CEP170: variants seen among roughly 807,000 people sequenced by gnomAD.
The protein encoded by CEP170 is centrosomal protein 170.
In CEP170, 21 loss-of-function variants were observed where a neutral mutation model predicts 151.9. That is an observed-to-expected ratio of 0.14 (90% confidence interval 0.10 to 0.20). The LOEUF is 0.20. CEP170 is among the 10% of genes least tolerant of loss of function. CEP170 has a pLI of 1.00. For synonymous variants in CEP170, 356 were observed against 648.8 expected (o/e 0.55, Z 6.86); for missense variants, 964 against 1,892.9 (o/e 0.51, Z 9.11).
chr1:243,189,282 C>T lies in CEP170; in HGVS notation c.1108+1736G>A, dbSNP rs538304965. Among the ~76,000 whole-genome samples, 16 of 152,154 alleles carry T rather than the reference C, an allele frequency of 1.1e-4. No homozygotes were observed. In the East Asian group the frequency reaches 1.4e-3, roughly 13 times the overall value. Reference sequence around the variant, plus strand: ...AAAATAATAGTCGATACAGGCCAGGCGCGGTGGCTCACGCCTGTAACCCCA... The same window carrying T: ...AAAATAATAGTCGATACAGGCCAGGTGCGGTGGCTCACGCCTGTAACCCCA... On this transcript the variant is annotated intron_variant, in intron 8 of 19. Coordinates refer to ENST00000366542, the MANE Select transcript of CEP170 (RefSeq NM_014812.3).
chr1:243,127,121 T>G (rs938856707), intron 19 of CEP170, among the ~76,000 whole-genome samples: 8 of 152,198 alleles, frequency 5.3e-5, no homozygotes, highest in Non-Finnish European at 1.0e-4. Flanking sequence ...AGGTATTAGC[T>G]GCTAAGTCAG....
At position 243,200,466 on chromosome 1, in the gene CEP170, A is replaced by C; in HGVS notation, c.496+52T>G. 6 of 1,577,128 alleles carry C rather than the reference A, an allele frequency of 3.8e-6. No individual in the cohort carries two copies. In the South Asian group the frequency reaches 5.7e-5, roughly 15 times the overall value. ...CCAACTTTCTGAGAACAAAGCATGC[A>C]GTGTCTTCAAGATCAAGTATAAAGA... is the stretch of plus-strand genomic sequence containing the variant. On this transcript the variant is annotated intron_variant, in intron 6 of 19. Transcript: ENST00000366542.
At chr1:243,219,609 G>T (rs1010470495) in intron 3 of CEP170, among the ~76,000 whole-genome samples, 9 of 152,158 alleles carry the variant, frequency 5.9e-5, no homozygotes, top group African/African-American at 2.2e-4. Context: ...CTAAAATGCT[G>T]ATGTAATTCC....
chr1:243,152,349 G>C lies in CEP170; in HGVS notation c.3911+3872C>G, dbSNP rs188352841. Among the ~76,000 whole-genome samples, 4 of 151,268 alleles carry C rather than the reference G, an allele frequency of 2.6e-5. No homozygotes were observed. In the East Asian group the frequency reaches 7.9e-4, roughly 30 times the overall value. ...CCATTCTCTTGCCTCAGCCTCCAGGGTAGCTGAGACTACAGGCGCCCGCCA... is the reference window on the plus strand; with the variant it reads ...CCATTCTCTTGCCTCAGCCTCCAGGCTAGCTGAGACTACAGGCGCCCGCCA... On this transcript the variant is annotated intron_variant, in intron 14 of 19. Transcript: ENST00000366542.
intron 14 of CEP170, among the ~76,000 whole-genome samples, chr1:243,144,952 ATTAC>A (rs1250803594): frequency 6.6e-6 from 1 of 152,172 alleles, no homozygotes; most frequent in Non-Finnish European, 1.5e-5. Flanking sequence ...ATAAGTATGC[ATTAC>A]TTAAGAAAAA....
intron 15 of CEP170, among the ~76,000 whole-genome samples, chr1:243,141,236 A>G (rs900245941): frequency 6.6e-6 from 1 of 151,832 alleles, no homozygotes; most frequent in Non-Finnish European, 1.5e-5. Flanking sequence ...AATCAATACC[A>G]GGGGCTGGCA....
At chr1:243,133,418 A>G (rs1451793358) in intron 17 of CEP170, among the ~76,000 whole-genome samples, 1 of 152,246 alleles carries the variant, frequency 6.6e-6, no homozygotes, top group African/African-American at 2.4e-5. Context: ...TCATTTATTT[A>G]TTTCTTTGGT....
At position 243,226,628 on chromosome 1, in the gene CEP170, C is replaced by T. The variant is rs1162501723; in HGVS notation, c.-41-1307G>A. On this transcript the variant is annotated intron_variant, in intron 1 of 19. Coordinates refer to ENST00000366542, the MANE Select transcript of CEP170 (RefSeq NM_014812.3). Reference sequence around the variant, plus strand: ...ATAAAAATTATATAAGCAGTAATTTCTTGAAGGTTTTTTGCAATATGGAAT... The same window carrying T: ...ATAAAAATTATATAAGCAGTAATTTTTTGAAGGTTTTTTGCAATATGGAAT... 2.6e-5 allele frequency among the ~76,000 whole-genome samples: 4 copies of T among 152,106 alleles called. No homozygotes were observed. In the South Asian group the frequency reaches 8.3e-4, roughly 32 times the overall value.
At chr1:243,134,684 T>C (rs898868402) in intron 17 of CEP170, among the ~76,000 whole-genome samples, 2 of 150,822 alleles carry the variant, frequency 1.3e-5, no homozygotes, top group Non-Finnish European at 1.5e-5. Flanking sequence ...TTTTTTTTTT[T>C]AATCTCGCTT....
chr1:243,244,738 C>G (rs1256655816), intron 1 of CEP170, among the ~76,000 whole-genome samples: 1 of 148,376 alleles, frequency 6.7e-6, no homozygotes, highest in African/African-American at 2.5e-5. Flanking sequence ...AAAGTGAAAC[C>G]CTGTTTCACA....
At chr1:243,199,563 A>G (rs2060888183) in intron 6 of CEP170, among the ~76,000 whole-genome samples, 1 of 152,156 alleles carries the variant, frequency 6.6e-6, no homozygotes, top group Admixed American at 6.6e-5. Context: ...TTGAAACTAG[A>G]CAATAATCAA....
At chr1:243,147,134 T>TATTTTTATTAGTA in intron 14 of CEP170, among the ~76,000 whole-genome samples, 1 of 152,356 alleles carries the variant, frequency 6.6e-6, no homozygotes, top group African/African-American at 2.4e-5. Flanking sequence ...AAAAATACAG[T>TATTTTTATTAGTA]ATTTTTATTA....
intron 1 of CEP170, among the ~76,000 whole-genome samples, chr1:243,238,602 T>A (rs2149108901): frequency 6.6e-6 from 1 of 152,352 alleles, no homozygotes; most frequent in South Asian, 2.1e-4. Context: ...GTAGATCATT[T>A]TTTAAAAGTA....
intron 1 of CEP170, among the ~76,000 whole-genome samples, chr1:243,233,741 A>AAAAAAT (rs1367723157): frequency 1.4e-5 from 2 of 140,434 alleles, no homozygotes; most frequent in African/African-American, 5.3e-5. Flanking sequence ...TCAAAAAAAA[A>AAAAAAT]ATATATATAT....
chr1:243,146,553 TTAAG>T (rs1276542804), intron 14 of CEP170, among the ~76,000 whole-genome samples: 2 of 152,048 alleles, frequency 1.3e-5, no homozygotes, highest in African/African-American at 4.8e-5. Flanking sequence ...TTTTGTTTCA[TTAAG>T]TATTTGGTTT....
At chr1:243,217,347 T>G (rs564174170) in intron 3 of CEP170, among the ~76,000 whole-genome samples, 43 of 152,330 alleles carry the variant, frequency 2.8e-4, no homozygotes, top group African/African-American at 8.9e-4. Context: ...TCTGAAATTC[T>G]GAGCCAATTT....
intron 2 of CEP170, 25 bp downstream of exon 2, chr1:243,225,151 A>T: frequency 6.9e-7 from 1 of 1,446,618 alleles, no homozygotes; most frequent in South Asian, 1.3e-5. Flanking sequence ...GAATAAACAC[A>T]TATAGAGAAG....
chr1:243,221,371 G>A (rs1015752222), intron 3 of CEP170, among the ~76,000 whole-genome samples: 1 of 152,168 alleles, frequency 6.6e-6, no homozygotes, highest in African/African-American at 2.4e-5. Context: ...CTCTGTCCCT[G>A]AGAGTACTTT....
At position 243,200,135 on chromosome 1, in the gene CEP170, A is replaced by T. The variant is rs550028898; in HGVS notation, c.496+383T>A. On this transcript the variant is annotated intron_variant, in intron 6 of 19. Coordinates refer to ENST00000366542, the MANE Select transcript of CEP170 (RefSeq NM_014812.3). ...TGCATTGTATTAGGTATTATAAGTG[A>T]TCTAGAGATGATTTAAAGTATACAG... Among the ~76,000 whole-genome samples the T allele has an allele frequency of 7.1e-4, 108 of 152,050 alleles. 1 individual carries two copies. The highest frequency in any genetic ancestry group is 6.8e-3 in the South Asian group (33 of 4,822).
Sources: allele counts gnomAD v4.1 joint callset (sites outside exome capture counted in the v4.1 genomes callset), GRCh38; gene constraint gnomAD v4.1.1; transcripts MANE v1.5; gene names NCBI Gene and HGNC (gene_info 2026-07-23, HGNC 2026-07-21).